Variants in PPP1R13L observed in about 807,000 individuals in gnomAD.
The protein encoded by PPP1R13L is relA-associated inhibitor.
PPP1R13L carries 50 observed loss-of-function variants against 80.9 expected under a neutral mutation model. The observed-to-expected ratio is 0.62, with a 90% CI of 0.49 to 0.78. The LOEUF (loss-of-function observed/expected upper bound fraction) is 0.78, where lower values mean the gene tolerates loss of function less well. Among genes scored for constraint, PPP1R13L ranks in the 30% least tolerant of loss-of-function variants. The probability of loss-of-function intolerance (pLI) is 0.00; values close to 1 mark genes in which losing one functional copy is unlikely to be tolerated. For synonymous variants in PPP1R13L, 602 were observed against 534.3 expected (o/e 1.13, Z -1.75); for missense variants, 1,200 against 1,205.9 (o/e 1.00, Z 0.07).
intron 1 of PPP1R13L, among the ~76,000 whole-genome samples, chr19:45,398,585 CTTTTTT>C (rs113649282): frequency 7.3e-6 from 1 of 136,530 alleles, no homozygotes; most frequent in African/African-American, 2.8e-5. Context: ...TTTTTCTTTT[CTTTTTT>C]TTTTTTTTTT....
chr19:45,405,514 C>T (rs1195268262), upstream of PPP1R13L, among the ~76,000 whole-genome samples: 2 of 152,246 alleles, frequency 1.3e-5, no homozygotes, highest in Admixed American at 6.5e-5. Flanking sequence ...CCTCCGCGAC[C>T]GCCCTCGGGC....
intron 8 of PPP1R13L, among the ~76,000 whole-genome samples, chr19:45,390,706 C>T (rs34874742): frequency 6.6e-6 from 1 of 152,064 alleles, no homozygotes; most frequent in Non-Finnish European, 1.5e-5. Flanking sequence ...GTCTGTGGCT[C>T]GTCCTGCTAC....
rs1973121508 is a variant in PPP1R13L at position 45,397,128 on chromosome 19, G to A, written c.199-70C>T. On this transcript the variant is annotated intron_variant, in intron 3 of 12. Transcript: ENST00000360957. ...TAGTGGAAGGGTTGGTGTGTGGGCGGGGGTGTCAAGAGAGATCACTGGAGG... is the reference window on the plus strand; with the variant it reads ...TAGTGGAAGGGTTGGTGTGTGGGCGAGGGTGTCAAGAGAGATCACTGGAGG... The A allele has an allele frequency of 1.3e-5, 16 of 1,193,916 alleles. No homozygotes were observed. In the South Asian group the frequency reaches 4.5e-4, roughly 34 times the overall value. 74.0% of individuals were successfully genotyped at this position (1,193,916 alleles called of 1,614,324 possible).
intron 1 of PPP1R13L, among the ~76,000 whole-genome samples, chr19:45,398,679 C>T (rs1973167585): frequency 6.6e-6 from 1 of 151,062 alleles, no homozygotes; most frequent in Non-Finnish European, 1.5e-5. Context: ...TCACTGCAAC[C>T]TCCGCCTCCC....
Position 45,396,183 on chromosome 19 carries a change from C to G in PPP1R13L, c.888G>C (p.Leu296=), listed in dbSNP as rs1183816735. The G allele has an allele frequency of 4.3e-6, 7 of 1,609,544 alleles. No individual in the cohort carries two copies. Among genetic ancestry groups the G allele is most frequent in the Non-Finnish European group, 5.1e-6 (6 of 1,178,966 alleles). The change falls in exon 6 of 13, where the codon CTG becomes CTC. Residue 296 remains leucine (L), a synonymous_variant. Coordinates refer to ENST00000360957, the MANE Select transcript of PPP1R13L (RefSeq NM_006663.4). The surrounding 1 kb of genome is among the most constrained non-coding windows in gnomAD (Gnocchi z 5.3). ...LPWRESSLDG[L]GGTGKDNLTS... ...GCCTCCTCACCTTGCCGGTGCCCCC[C>G]AGTCCATCCAGGCTGCTCTCCCTCC...
intron 8 of PPP1R13L, among the ~76,000 whole-genome samples, chr19:45,388,888 C>T (rs1568555986): frequency 6.6e-6 from 1 of 151,920 alleles, no homozygotes; most frequent in East Asian, 2.0e-4. Flanking sequence ...CAGGCATGCA[C>T]CACCAGGCCC....
In PPP1R13L at chr19:45,392,127, C is replaced by A. The variant is rs756270372; in HGVS notation, c.1568G>T (p.Arg523Leu). ...VLAEIPRPLK[R>L]RGSMEQAPAV... The stretch of plus-strand genomic sequence containing the variant: ...AGGGGCCTGCTCCATGGAGCCCCTG[C>A]GTTTGAGGGGCCGGGGAATTTCCGC... Residue 523 changes from arginine (R) to leucine (L), a missense_variant, in exon 8 of 13, where the codon CGC becomes CTC. This residue lies in a region of PPP1R13L where 53 missense variants were observed against 96.5 expected (regional missense o/e 0.55). Transcript: ENST00000360957. 6.4e-7 allele frequency: 1 copy of A among 1,569,742 alleles called. No homozygotes were observed. Among genetic ancestry groups the A allele is most frequent in the Non-Finnish European group, 8.7e-7 (1 of 1,155,980 alleles).
At position 45,396,743 on chromosome 19, in the gene PPP1R13L, G is replaced by C. The variant is rs764300407; in HGVS notation, c.514C>G (p.Pro172Ala). The change falls in exon 4 of 13, where the codon CCC (proline) becomes GCC (alanine). Residue 172 changes from proline to alanine, a missense_variant. By Grantham distance (27) the Pro-to-Ala change is conservative. This residue lies in a region of PPP1R13L where 764 missense variants were observed against 714.5 expected (regional missense o/e 1.07). Coordinates refer to ENST00000360957, the MANE Select transcript of PPP1R13L (RefSeq NM_006663.4). The surrounding 1 kb of genome is among the most constrained non-coding windows in gnomAD (Gnocchi z 5.3). ...CGGCCCAGGAAGTCGAAAGGCGTGG[G>C]GGGACCCTGCTGGCGGAGCGGGCCT... ...GPGPLRQQGP[P>A]TPFDFLGRAG... 7.3e-7 allele frequency: 1 copy of C among 1,370,504 alleles called. No homozygotes were observed. Among genetic ancestry groups the C allele is most frequent in the Admixed American group, 3.7e-5 (1 of 27,090 alleles). The allele number at this position is 1,370,504 out of a possible 1,614,324, so 84.9% of individuals were successfully genotyped here.
rs142395853 is a variant in PPP1R13L, at chr19:45,386,272, C to T, written c.1816-92G>A. 8.0e-5 allele frequency: 112 copies of T among 1,395,936 alleles called. No homozygotes were observed. In the African/African-American group the frequency reaches 1.4e-3, roughly 17 times the overall value. 86.5% of individuals were successfully genotyped at this position (1,395,936 alleles called of 1,614,324 possible). On this transcript the variant is annotated intron_variant, in intron 8 of 12. Transcript: ENST00000360957. ...GAAACAGAGGTCCAGGGACTTGTGG[C>T]ACCCATCTAGACAGGGGTAGAACTG...
At chr19:45,400,500 G>A (rs565285030) in intron 1 of PPP1R13L, among the ~76,000 whole-genome samples, 29 of 152,030 alleles carry the variant, frequency 1.9e-4, no homozygotes, top group Middle Eastern at 3.4e-3. Flanking sequence ...GTTCAGGCTG[G>A]CGGCTCATTT....
chr19:45,385,237 C>A (rs548284628), intron 11 of PPP1R13L, among the ~76,000 whole-genome samples: 2 of 152,328 alleles, frequency 1.3e-5, no homozygotes, highest in African/African-American at 2.4e-5. Context: ...CTGCCCAGAG[C>A]CCTATGCCAG....
Position 45,396,310 on chromosome 19 carries a change from C to T in PPP1R13L, c.811+28G>A. 4 of 1,613,842 alleles carry T rather than the reference C, an allele frequency of 2.5e-6. No individual in the cohort carries two copies. On this transcript the variant is annotated intron_variant, in intron 5 of 12. Coordinates refer to ENST00000360957, the MANE Select transcript of PPP1R13L (RefSeq NM_006663.4). This position sits in a 1 kb window ranked among gnomAD's most constrained non-coding sequence, Gnocchi z 5.3. ...TGTGGGGCTGCCTCTCCTCCGGGTC[C>T]TCCATTCCCCGGGCCTCCACCACTC...
chr19:45,403,753 TG>T (rs2123406993), intron 1 of PPP1R13L, among the ~76,000 whole-genome samples: 1 of 152,264 alleles, frequency 6.6e-6, no homozygotes, highest in South Asian at 2.1e-4. Context: ...TATCATCAAA[TG>T]CCCTTCAAGC....
rs747698212 is a variant in PPP1R13L, at chr19:45,392,122, C to A, written c.1573G>T (p.Gly525Cys). ...AEIPRPLKRRGSMEQAPAVAL... is the reference protein window; with the variant it reads ...AEIPRPLKRRCSMEQAPAVAL... ...ACAGCAGGGGCCTGCTCCATGGAGCCCCTGCGTTTGAGGGGCCGGGGAATT... is the reference window on the plus strand; with the variant it reads ...ACAGCAGGGGCCTGCTCCATGGAGCACCTGCGTTTGAGGGGCCGGGGAATT... The change falls in exon 8 of 13, where the codon GGC becomes TGC. Residue 525 changes from glycine to cysteine, a missense_variant. By Grantham distance (159) the Gly-to-Cys change is radical (BLOSUM62 -3). Coordinates refer to ENST00000360957, the MANE Select transcript of PPP1R13L (RefSeq NM_006663.4). 3 of 1,567,030 alleles carry A rather than the reference C, an allele frequency of 1.9e-6. No individual in the cohort carries two copies. The highest frequency in any genetic ancestry group is 2.6e-6 in the Non-Finnish European group (3 of 1,154,600).
intron 1 of PPP1R13L, among the ~76,000 whole-genome samples, chr19:45,398,740 T>C (rs1973168957): frequency 1.3e-5 from 2 of 151,206 alleles, no homozygotes; most frequent in Admixed American, 1.3e-4. Context: ...CGCGCCATTA[T>C]GCCCGGCTAA....
rs1263608940 is a variant in PPP1R13L, at chr19:45,390,724, CA to C, written c.1815+1155del. 3.3e-5 allele frequency among the ~76,000 whole-genome samples: 5 copies of C among 152,202 alleles called. No homozygotes were observed. In the East Asian group the frequency reaches 9.7e-4, roughly 30 times the overall value. On this transcript the variant is annotated intron_variant, in intron 8 of 12. Transcript: ENST00000360957. ...TGTGGCTCGTCCTGCTACAGAATTA[CA>C]GGCACGCGCCACCGCTCCGGGCTAA...
rs770216477 is a variant in PPP1R13L, at chr19:45,384,366, CA to C, written c.2248+1195del. Among the ~76,000 whole-genome samples, 193 of 91,282 alleles carry C rather than the reference CA, an allele frequency of 2.1e-3. 2 individuals are homozygous for C. Among genetic ancestry groups the C allele is most frequent in the East Asian group, 5.0e-3 (16 of 3,192 alleles). 59.9% of individuals were successfully genotyped at this position (91,282 alleles called of 152,430 possible). ...CAAAACCCCGTCTCTACTAAAAATA[CA>C]AAAAAAAAAAAAAAAAAAGTTAGCG... On this transcript the variant is annotated intron_variant, in intron 11 of 12. Coordinates refer to ENST00000360957, the MANE Select transcript of PPP1R13L (RefSeq NM_006663.4).
intron 1 of PPP1R13L, among the ~76,000 whole-genome samples, chr19:45,404,653 A>T (rs1468082939): frequency 1.3e-5 from 2 of 152,128 alleles, no homozygotes; most frequent in Admixed American, 6.5e-5. Context: ...GAGCCCCACC[A>T]GTCTGAGCCT....
At chr19:45,400,296 C>A (rs572025308) in intron 1 of PPP1R13L, among the ~76,000 whole-genome samples, 1 of 151,878 alleles carries the variant, frequency 6.6e-6, no homozygotes, top group Non-Finnish European at 1.5e-5. Context: ...TGGTCACTGG[C>A]CCAGTGGGAG....
Sources: allele counts gnomAD v4.1 joint callset (sites outside exome capture counted in the v4.1 genomes callset), GRCh38; gene constraint gnomAD v4.1.1; regional missense constraint gnomAD v4.1.1; non-coding constraint Gnocchi (gnomAD v3.1); transcripts MANE v1.5; gene names NCBI Gene and HGNC (gene_info 2026-07-23, HGNC 2026-07-21).